The following CDH8 variants were observed in gnomAD, a reference collection of about 807,000 sequenced individuals.
CDH8 encodes cadherin-8.
A neutral mutation model predicts 68.1 loss-of-function variants in CDH8; 17 were observed. The observed-to-expected ratio is 0.25, with a 90% confidence interval of 0.17 to 0.37. The LOEUF (loss-of-function observed/expected upper bound fraction) is 0.37, where lower values mean the gene tolerates loss of function less well. CDH8 is among the 10% of genes least tolerant of loss of function. The probability of loss-of-function intolerance (pLI) is 1.00; values close to 1 mark genes in which losing one functional copy is unlikely to be tolerated. For synonymous variants in CDH8, 372 were observed against 365.1 expected (o/e 1.02, Z -0.21); for missense variants, 763 against 999.3 (o/e 0.76, Z 3.19).
At chr16:61,683,404 GTAAA>G (rs1282025984) in intron 10 of CDH8, among the ~76,000 whole-genome samples, 1 of 151,976 alleles carries the variant, frequency 6.6e-6, no homozygotes, top group East Asian at 1.9e-4. Flanking sequence ...ATTTATACTT[GTAAA>G]TAAGAATACG....
intron 7 of CDH8, among the ~76,000 whole-genome samples, chr16:61,790,784 G>A (rs1961359428): frequency 6.6e-6 from 1 of 151,880 alleles, no homozygotes; most frequent in Admixed American, 6.6e-5. Context: ...ATATGAATAT[G>A]CATCTACCAA....
chr16:61,912,121 A>G (rs1007525066), intron 2 of CDH8, among the ~76,000 whole-genome samples: 1 of 152,144 alleles, frequency 6.6e-6, no homozygotes, highest in African/African-American at 2.4e-5. Context: ...GGAACACAGT[A>G]GATAACCAAA....
At chr16:61,676,366 G>A (rs941901692) in intron 10 of CDH8, among the ~76,000 whole-genome samples, 2 of 151,808 alleles carry the variant, frequency 1.3e-5, no homozygotes, top group Admixed American at 6.6e-5. Flanking sequence ...TAGTGATAAA[G>A]AGGGCCATCA....
chr16:61,997,761 G>C (rs1965829944), intron 2 of CDH8, among the ~76,000 whole-genome samples: 1 of 151,916 alleles, frequency 6.6e-6, no homozygotes, highest in African/African-American at 2.4e-5. Context: ...ACTTCTACAG[G>C]GTTTTTGTTA....
intron 9 of CDH8, among the ~76,000 whole-genome samples, chr16:61,720,579 A>G (rs911668864): frequency 1.3e-5 from 2 of 150,960 alleles, no homozygotes; most frequent in African/African-American, 2.4e-5. Context: ...GTCAATACAT[A>G]CAGAACTGCA....
chr16:61,710,573 C>T (rs1964612254), intron 10 of CDH8, among the ~76,000 whole-genome samples: 1 of 152,008 alleles, frequency 6.6e-6, no homozygotes, highest in Non-Finnish European at 1.5e-5. Context: ...TAAACATAAC[C>T]AAACTATAAC....
At chr16:61,983,388 G>A (rs894227008) in intron 2 of CDH8, among the ~76,000 whole-genome samples, 5 of 151,992 alleles carry the variant, frequency 3.3e-5, no homozygotes, top group Admixed American at 1.3e-4. Flanking sequence ...AAACAATTGC[G>A]ACTTGTACCT....
chr16:61,700,555 G>A lies in CDH8; in HGVS notation c.1654+13286C>T, dbSNP rs1415811081. On this transcript the variant is annotated intron_variant, in intron 10 of 11. Coordinates refer to ENST00000577390, the MANE Select transcript of CDH8 (RefSeq NM_001796.5). ...CGGCCTACCAAAGTGCTGGGATTAC[G>A]AGCGTGAGCCACCGCACCTGTCTTA... 7.9e-5 allele frequency among the ~76,000 whole-genome samples: 12 copies of A among 152,104 alleles called. No individual in the cohort carries two copies. The South Asian group carries it at 8.3e-4, about 11-fold the overall frequency.
chr16:61,817,788 C>A, intron 6 of CDH8, 56 bp from the exon 7 acceptor site: 1 of 1,502,962 alleles, frequency 6.7e-7, no homozygotes, highest in Non-Finnish European at 8.9e-7. Flanking sequence ...GCAGCAAGAA[C>A]AAATGAGTAT....
At chr16:61,830,555 C>T (rs1032679973) in intron 4 of CDH8, among the ~76,000 whole-genome samples, 27 of 151,812 alleles carry the variant, frequency 1.8e-4, no homozygotes, top group African/African-American at 5.8e-4. Flanking sequence ...AATAACATCC[C>T]GTTGCCCAAG....
chr16:61,830,272 C>T (rs999590450), intron 4 of CDH8, among the ~76,000 whole-genome samples: 2 of 151,656 alleles, frequency 1.3e-5, no homozygotes, highest in East Asian at 1.9e-4. Flanking sequence ...TATGAAATGC[C>T]ACCTAATACA....
intron 2 of CDH8, among the ~76,000 whole-genome samples, chr16:61,985,489 GA>G (rs1347280710): frequency 1.3e-5 from 2 of 152,100 alleles, no homozygotes; most frequent in Non-Finnish European, 2.9e-5. Flanking sequence ...ACCATCAAAA[GA>G]AGTTGGCTGA....
intron 2 of CDH8, among the ~76,000 whole-genome samples, chr16:61,998,141 G>C (rs890131235): frequency 6.6e-6 from 1 of 151,908 alleles, no homozygotes; most frequent in African/African-American, 2.4e-5. Context: ...GCTGGAAAAA[G>C]GTTTAGAAGA....
intron 8 of CDH8, among the ~76,000 whole-genome samples, chr16:61,782,771 G>T (rs1041610493): frequency 6.6e-6 from 1 of 152,142 alleles, no homozygotes; most frequent in African/African-American, 2.4e-5. Context: ...CCTCAAGTGG[G>T]TCCCTGACCC....
intron 2 of CDH8, among the ~76,000 whole-genome samples, chr16:61,932,218 A>G (rs1162203): frequency 0.03 from 4,402 of 146,864 alleles, 86 homozygotes; most frequent in Non-Finnish European, 0.05. Flanking sequence ...AAAAAAAAAA[A>G]AAAAGAAAAG....
intron 4 of CDH8, among the ~76,000 whole-genome samples, chr16:61,839,911 G>A (rs1279118550): frequency 1.3e-5 from 2 of 152,172 alleles, no homozygotes; most frequent in East Asian, 1.9e-4. Flanking sequence ...ACTTCACTCC[G>A]TTATAACAAT....
intron 4 of CDH8, among the ~76,000 whole-genome samples, chr16:61,836,741 G>GAT (rs145240898): frequency 1.3e-3 from 201 of 151,606 alleles, no homozygotes; most frequent in Non-Finnish European, 2.0e-3. Flanking sequence ...GCTAGACTGA[G>GAT]ATATATATAT....
chr16:61,683,960 T>C (rs1259748192), intron 10 of CDH8, among the ~76,000 whole-genome samples: 1 of 152,032 alleles, frequency 6.6e-6, no homozygotes, highest in Middle Eastern at 3.2e-3. Context: ...AGGGCCCATG[T>C]TTGGTAATTC....
chr16:61,807,349 C>T (rs1364296671), intron 7 of CDH8, among the ~76,000 whole-genome samples: 18 of 147,494 alleles, frequency 1.2e-4, no homozygotes, highest in Non-Finnish European at 2.5e-4. Context: ...GGAGGGATAG[C>T]ATTGGGAGAT....
Sources: allele counts gnomAD v4.1 joint callset (sites outside exome capture counted in the v4.1 genomes callset), GRCh38; gene constraint gnomAD v4.1.1; transcripts MANE v1.5; gene names NCBI Gene and HGNC (gene_info 2026-07-23, HGNC 2026-07-21).